MYBL1: variants seen among roughly 807,000 people sequenced by gnomAD.
MYBL1 encodes the protein myb-related protein A.
MYBL1 carries 17 observed loss-of-function variants against 96.3 expected under a neutral mutation model. The ratio of observed to expected loss-of-function variants is 0.18; its 90% CI spans 0.12 to 0.26. The LOEUF (loss-of-function observed/expected upper bound fraction) is 0.26. Among genes scored for constraint, MYBL1 ranks in the 10% least tolerant of loss-of-function variants. The pLI, the probability that MYBL1 is intolerant of heterozygous loss-of-function variation, is 1.00. For synonymous variants in MYBL1, 282 were observed against 292.7 expected, an observed-to-expected ratio of 0.96 and a Z score of 0.37; for missense variants, 701 against 882.9, an observed-to-expected ratio of 0.79 and a Z score of 2.61.
At chr8:66,588,738 T>C (rs1300302784) in intron 8 of MYBL1, among the ~76,000 whole-genome samples, 8 of 151,988 alleles carry the variant, frequency 5.3e-5, no homozygotes, top group East Asian at 1.9e-4. Context: ...AAAAAAACTT[T>C]AGGGAGGGCA....
At chr8:66,571,045 A>C (rs574212826) in intron 12 of MYBL1, among the ~76,000 whole-genome samples, 28 of 152,320 alleles carry the variant, frequency 1.8e-4, no homozygotes, top group African/African-American at 6.7e-4. Context: ...AAATTAATTA[A>C]ATCAAGTAAA....
intron 4 of MYBL1, among the ~76,000 whole-genome samples, chr8:66,597,848 A>T (rs894653833): frequency 4.9e-4 from 22 of 44,728 alleles, no homozygotes; most frequent in African/African-American, 2.3e-3. Flanking sequence ...TCCTACATCT[A>T]AAAAAAAAAA....
intron 11 of MYBL1, 82 bp from the exon 12 acceptor site, chr8:66,572,678 C>T (rs1020830471): frequency 3.7e-5 from 23 of 614,100 alleles, no homozygotes; most frequent in Admixed American, 6.2e-5. Flanking sequence ...TTTAAGCACA[C>T]GCTAAATTTT....
In MYBL1 at chr8:66,564,684, AT is replaced by A; in HGVS notation, c.*12del. The A allele has an allele frequency of 6.4e-7, 1 of 1,557,880 alleles. No homozygotes were observed. The highest frequency in any genetic ancestry group is 8.7e-7 in the Non-Finnish European group (1 of 1,147,934). ...AGTAAGGGAGTGGGGCATTTCATCA[AT>A]TTTAATAACAATTACAGTATGAGAG... On this transcript the variant is annotated 3_prime_UTR_variant, in exon 16 of 16. Transcript: ENST00000522677.
Position 66,612,999 on chromosome 8 carries a change from G to T in MYBL1, c.-161C>A. On this transcript the variant is annotated 5_prime_UTR_variant, in exon 1 of 16. Transcript: ENST00000522677. ...CGTCCTCGACAGGGCAGGACGGAGG[G>T]ACAGCGGGGGCGGACCGCGACCCGA... is the stretch of plus-strand genomic sequence containing the variant. The T allele has an allele frequency of 1.2e-6, 1 of 811,048 alleles. No individual in the cohort carries two copies. The highest frequency in any genetic ancestry group is 1.7e-6 in the Non-Finnish European group (1 of 590,940). 50.2% of individuals were successfully genotyped at this position (811,048 alleles called of 1,614,324 possible).
At chr8:66,583,088 A>G (rs1035805114) in intron 8 of MYBL1, among the ~76,000 whole-genome samples, 5 of 152,252 alleles carry the variant, frequency 3.3e-5, no homozygotes, top group African/African-American at 4.8e-5. Context: ...CAGACCACGT[A>G]TTAGGCCACA....
At chr8:66,566,843 A>T in intron 13 of MYBL1, 33 bp downstream of exon 13, 1 of 1,590,558 alleles carries the variant, frequency 6.3e-7, no homozygotes, top group Non-Finnish European at 8.6e-7. Context: ...GGATACAATA[A>T]GACTTTTATT....
intron 8 of MYBL1, among the ~76,000 whole-genome samples, chr8:66,591,304 G>A (rs541866376): frequency 7.3e-5 from 11 of 151,556 alleles, no homozygotes; most frequent in South Asian, 4.2e-4. Context: ...CCAAGATCAC[G>A]CCACTGCACT....
In MYBL1 at chr8:66,613,192, C is replaced by CCT. The variant is rs1328061211; in HGVS notation, c.-356_-355dup. On this transcript the variant is annotated 5_prime_UTR_variant, in exon 1 of 16. Transcript: ENST00000522677. The stretch of plus-strand genomic sequence containing the variant: ...TCCGCCACAGGCGCCCGACCCCTGC[C>CCT]CTCTCCCCCGCAGCTAGCAGTTCTG... 2 of 400,576 alleles carry CCT rather than the reference C, an allele frequency of 5.0e-6. No homozygotes were observed. Among genetic ancestry groups the CCT allele is most frequent in the Admixed American group, 4.4e-5 (1 of 22,696 alleles). The allele number at this position is 400,576 out of a possible 1,614,324, so 24.8% of individuals were successfully genotyped here.
At chr8:66,568,426 A>T (rs1198503195) in intron 12 of MYBL1, among the ~76,000 whole-genome samples, 1 of 152,024 alleles carries the variant, frequency 6.6e-6, no homozygotes, top group African/African-American at 2.4e-5. Context: ...AGCTGGGATC[A>T]ACCGAGTAGC....
intron 8 of MYBL1, among the ~76,000 whole-genome samples, chr8:66,586,426 A>T (rs1013273266): frequency 3.9e-5 from 6 of 152,178 alleles, no homozygotes; most frequent in Non-Finnish European, 2.9e-5. Flanking sequence ...TGGGTATATT[A>T]AAAAATGCTC....
Position 66,612,501 on chromosome 8 carries a change from G to A in MYBL1, c.20+318C>T. 2 of 359,078 alleles carry A rather than the reference G, an allele frequency of 5.6e-6. 1 individual carries two copies. 22.2% of individuals were successfully genotyped at this position (359,078 alleles called of 1,614,324 possible). ...TCTCTGCGTAGCGGACTCCCTAAAAGCGCTCGACTTACCTGGCAAGAAACC... is the reference window on the plus strand; with the variant it reads ...TCTCTGCGTAGCGGACTCCCTAAAAACGCTCGACTTACCTGGCAAGAAACC... On this transcript the variant is annotated intron_variant, in intron 1 of 15. Transcript: ENST00000522677.
intron 3 of MYBL1, among the ~76,000 whole-genome samples, chr8:66,601,433 A>G (rs1810069237): frequency 6.6e-6 from 1 of 152,088 alleles, no homozygotes; most frequent in Non-Finnish European, 1.5e-5. Context: ...AAATATTTAT[A>G]AGGTCCCACA....
chr8:66,606,213 G>C (rs1445409658), intron 1 of MYBL1, among the ~76,000 whole-genome samples: 1 of 152,120 alleles, frequency 6.6e-6, no homozygotes, highest in Non-Finnish European at 1.5e-5. Context: ...CAGGGGTTTA[G>C]TTTACTTGTT....
chr8:66,566,210 T>A lies in MYBL1; in HGVS notation c.1984A>T (p.Ile662Leu). ...ENRFTTSLLM[I>L]PLLEIHDNRC... ...TTGTCATGTATTTCCAATAATGGTA[T>A]CATTAATAAGGATGTAGTAAATCTA... Residue 662 changes from isoleucine (I) to leucine (L), a missense_variant, in exon 15 of 16, where the codon ATA becomes TTA. Physicochemically the swap from Ile to Leu is conservative, Grantham distance 5. This residue lies in a region of MYBL1 where 137 missense variants were observed against 137.5 expected (regional missense o/e 1.00). Transcript: ENST00000522677. 1 of 1,505,800 alleles carries A rather than the reference T, an allele frequency of 6.6e-7. No homozygotes were observed. The highest frequency in any genetic ancestry group is 9.0e-7 in the Non-Finnish European group (1 of 1,108,792). 93.3% of individuals were successfully genotyped at this position (1,505,800 alleles called of 1,614,324 possible).
intron 6 of MYBL1, among the ~76,000 whole-genome samples, chr8:66,594,819 A>C (rs1563545201): frequency 1.3e-5 from 2 of 152,168 alleles, no homozygotes; most frequent in Non-Finnish European, 2.9e-5. Context: ...ATCAAATCTG[A>C]GGCATAGTAA....
At chr8:66,597,896 C>CA (rs1326104587) in intron 4 of MYBL1, among the ~76,000 whole-genome samples, 1 of 40,176 alleles carries the variant, frequency 2.5e-5, no homozygotes, top group African/African-American at 8.5e-5. Context: ...AAGCAAAAAA[C>CA]AAAAATACAA....
At chr8:66,568,004 G>A (rs1284801278) in intron 12 of MYBL1, among the ~76,000 whole-genome samples, 9 of 145,372 alleles carry the variant, frequency 6.2e-5, no homozygotes, top group Non-Finnish European at 1.2e-4. Context: ...CCGAAATCAC[G>A]CCACTGGACT....
intron 1 of MYBL1, among the ~76,000 whole-genome samples, chr8:66,604,161 G>A (rs1286171662): frequency 6.6e-6 from 1 of 152,120 alleles, no homozygotes; most frequent in Non-Finnish European, 1.5e-5. Flanking sequence ...AATTATAACA[G>A]TAACATTTCA....
Sources: allele counts gnomAD v4.1 joint callset (sites outside exome capture counted in the v4.1 genomes callset), GRCh38; gene constraint gnomAD v4.1.1; regional missense constraint gnomAD v4.1.1; transcripts MANE v1.5; gene names NCBI Gene and HGNC (gene_info 2026-07-23, HGNC 2026-07-21).